The following ACAP2 variants were observed in gnomAD, a reference collection of about 807,000 sequenced individuals.
The protein encoded by ACAP2 is ArfGAP with coiled-coil, ankyrin repeat and PH domains 2, also known as arf-GAP with coiled-coil, ANK repeat and PH domain-containing protein 2.
ACAP2 carries 39 observed loss-of-function variants against 115.8 expected under a neutral mutation model. The observed-to-expected ratio is 0.34, with a 90% CI of 0.26 to 0.44. ACAP2 has a LOEUF of 0.44. Ranked by LOEUF, ACAP2 falls within the 20% of genes least tolerant of loss-of-function variation. The pLI, the probability that ACAP2 is intolerant of heterozygous loss-of-function variation, is 1.00. For synonymous variants in ACAP2, 289 were observed against 315.8 expected (o/e 0.92, Z 0.90); for missense variants, 662 against 927.6 (o/e 0.71, Z 3.72).
chr3:195,352,917 C>T (rs1329509302), intron 4 of ACAP2, among the ~76,000 whole-genome samples: 1 of 151,982 alleles, frequency 6.6e-6, no homozygotes, highest in Non-Finnish European at 1.5e-5. Flanking sequence ...CCCAACTCTA[C>T]TAAAAATACC....
At position 195,302,053 on chromosome 3, in the gene ACAP2, C is replaced by T; in HGVS notation, c.1238G>A (p.Ser413Asn). The change falls in exon 14 of 23, where the codon AGC (serine) becomes AAC (asparagine). Residue 413 changes from serine (S) to asparagine (N), a missense_variant. Ser to Asn is a conservative substitution (Grantham distance 46). Transcript: ENST00000326793. ...ATCTGCCAGGCCACAGTCACAACAG[C>T]TGGCATTGCCAGGGATACACTGGAC... is the stretch of plus-strand genomic sequence containing the variant. ...QRVQCIPGNASCCDCGLADPR... is the reference protein window; with the variant it reads ...QRVQCIPGNANCCDCGLADPR... 4 of 1,614,170 alleles carry T rather than the reference C, an allele frequency of 2.5e-6. No homozygotes were observed. The South Asian group carries it at 3.3e-5, about 13-fold the overall frequency.
intron 22 of ACAP2, chr3:195,282,226 T>C (rs1412785347): frequency 6.6e-6 from 1 of 152,240 alleles, no homozygotes; most frequent in Non-Finnish European, 1.5e-5. Context: ...ATTACACAAG[T>C]ATATTTTAGT....
rs371385749 is a variant in ACAP2 at position 195,283,652 on chromosome 3, C to T, written c.2236+2144G>A. 3.7e-3 allele frequency among the ~76,000 whole-genome samples: 568 copies of T among 152,238 alleles called. 3 individuals are homozygous for T. Among genetic ancestry groups the T allele is most frequent in the African/African-American group, 0.013 (547 of 41,548 alleles). On this transcript the variant is annotated intron_variant, in intron 22 of 22. Coordinates refer to ENST00000326793, the MANE Select transcript of ACAP2 (RefSeq NM_012287.6). ...TCTCATAAAGAAAAAGAACAGAAAC[C>T]GAAGAGCAATTGCTATGCCATTTCA...
intron 2 of ACAP2, among the ~76,000 whole-genome samples, chr3:195,390,451 T>C (rs1184154583): frequency 1.3e-5 from 2 of 152,210 alleles, no homozygotes; most frequent in East Asian, 3.8e-4. Context: ...TTGATGTAAT[T>C]TGTTTACATA....
rs369957737 is a variant in ACAP2, at chr3:195,389,736, C to T, written c.111+2354G>A. Among the ~76,000 whole-genome samples, 12 of 152,104 alleles carry T rather than the reference C, an allele frequency of 7.9e-5. 1 individual carries two copies. In the South Asian group the frequency reaches 1.2e-3, roughly 16 times the overall value. ...AGACATGTAATTTTTAAGTAGAAAA[C>T]GAAGGCATTTTCAAATAATCTCCTT... On this transcript the variant is annotated intron_variant, in intron 2 of 22. Coordinates refer to ENST00000326793, the MANE Select transcript of ACAP2 (RefSeq NM_012287.6).
chr3:195,396,700 T>C (rs901209227), intron 1 of ACAP2, among the ~76,000 whole-genome samples: 3 of 148,474 alleles, frequency 2.0e-5, no homozygotes, highest in African/African-American at 5.0e-5. Flanking sequence ...GGCAGGAGAA[T>C]TGCTTGAACC....
At chr3:195,430,835 C>T (rs112990650) in intron 1 of ACAP2, among the ~76,000 whole-genome samples, 2 of 152,252 alleles carry the variant, frequency 1.3e-5, no homozygotes, top group African/African-American at 4.8e-5. Flanking sequence ...TTTTCTATTC[C>T]ACCTATGCGT....
intron 8 of ACAP2, among the ~76,000 whole-genome samples, chr3:195,331,585 T>A (rs559787762): frequency 2.4e-4 from 37 of 151,902 alleles, no homozygotes; most frequent in Non-Finnish European, 4.6e-4. Context: ...AGTGCTGGGA[T>A]TACAGGCATG....
intron 4 of ACAP2, among the ~76,000 whole-genome samples, chr3:195,373,100 G>A (rs537259860): frequency 6.6e-6 from 1 of 150,808 alleles, no homozygotes; most frequent in South Asian, 2.1e-4. Flanking sequence ...TACTGATAGT[G>A]TAGCTAACAA....
At chr3:195,364,347 C>T (rs1732572306) in intron 4 of ACAP2, among the ~76,000 whole-genome samples, 1 of 152,184 alleles carries the variant, frequency 6.6e-6, no homozygotes, top group South Asian at 2.1e-4. Flanking sequence ...AGGCACCCAA[C>T]ATCAATGATC....
chr3:195,327,868 T>A (rs1357269026), intron 8 of ACAP2, among the ~76,000 whole-genome samples: 1 of 151,910 alleles, frequency 6.6e-6, no homozygotes, highest in African/African-American at 2.4e-5. Flanking sequence ...GAGGCAGAGG[T>A]TGCAGCAGGC....
chr3:195,417,114 C>T (rs1169329431), intron 1 of ACAP2, among the ~76,000 whole-genome samples: 1 of 122,160 alleles, frequency 8.2e-6, no homozygotes, highest in East Asian at 2.5e-4. Context: ...TTACTTTTTG[C>T]AGTGAGTGGG....
chr3:195,319,679 T>C lies in ACAP2; in HGVS notation c.857+1022A>G, dbSNP rs143315454. Among the ~76,000 whole-genome samples the C allele has an allele frequency of 1.1e-3, 167 of 152,346 alleles. No homozygotes were observed. The Middle Eastern group carries it at 0.014, about 12-fold the overall frequency. ...AATGGGAACATTTACCCAATGCCTG[T>C]ATTTCCCTTGTATCTTGGAAGTAAC... On this transcript the variant is annotated intron_variant, in intron 10 of 22. Coordinates refer to ENST00000326793, the MANE Select transcript of ACAP2 (RefSeq NM_012287.6).
chr3:195,280,624 G>C (rs980677393), intron 22 of ACAP2: 1 of 151,974 alleles, frequency 6.6e-6, no homozygotes, highest in Non-Finnish European at 1.5e-5. Flanking sequence ...AAAAATAAAC[G>C]TGTATATGTA....
Position 195,442,963 on chromosome 3 carries a change from G to A in ACAP2, c.-116C>T, listed in dbSNP as rs1279955387. ...GCCGCGACTAGCGTTGCGCGGAGCT[G>A]CGAAGGGCGCCTCGCCCGCTGGTCA... On this transcript the variant is annotated 5_prime_UTR_variant, in exon 1 of 23. Transcript: ENST00000326793. 2.1e-6 allele frequency: 2 copies of A among 934,440 alleles called. No homozygotes were observed. The highest frequency in any genetic ancestry group is 6.5e-5 in the East Asian group (2 of 30,728). The allele number at this position is 934,440 out of a possible 1,614,324, so 57.9% of individuals were successfully genotyped here.
At chr3:195,336,731 A>C (rs978632043) in intron 7 of ACAP2, 1 of 585,472 alleles carries the variant, frequency 1.7e-6, no homozygotes, top group Admixed American at 3.3e-5. Flanking sequence ...ACAGTGTATC[A>C]ACAGATGAGA....
intron 4 of ACAP2, among the ~76,000 whole-genome samples, chr3:195,374,861 A>G (rs1259450973): frequency 6.7e-6 from 1 of 149,410 alleles, no homozygotes; most frequent in Non-Finnish European, 1.5e-5. Context: ...TTTTTTTTTT[A>G]AAGTTAAGTT....
intron 15 of ACAP2, among the ~76,000 whole-genome samples, chr3:195,301,330 C>A (rs902899470): frequency 5.3e-5 from 8 of 152,154 alleles, no homozygotes; most frequent in African/African-American, 1.9e-4. Context: ...TCATGATCCG[C>A]CCGCCTCGGC....
intron 15 of ACAP2, among the ~76,000 whole-genome samples, chr3:195,298,789 G>A (rs1353725290): frequency 1.3e-5 from 2 of 152,086 alleles, no homozygotes; most frequent in South Asian, 2.1e-4. Flanking sequence ...GCACCACCAC[G>A]CCTGGCTAAT....
Sources: gnomAD v4.1 joint callset for allele counts (sites outside exome capture counted in the v4.1 genomes callset) on GRCh38, gnomAD v4.1.1 for gene constraint, MANE v1.5 for transcripts, NCBI Gene and HGNC (gene_info 2026-07-23, HGNC 2026-07-21) for gene names.